The following SRPK2 variants were observed in gnomAD, a reference collection of about 807,000 sequenced individuals.
SRPK2 encodes the protein SFRS protein kinase 2.
Under a neutral mutation model 90.8 loss-of-function variants are expected in SRPK2, and 21 were observed. The observed-to-expected ratio is 0.23, with a 90% CI of 0.16 to 0.33. SRPK2 has a LOEUF of 0.33. Among genes scored for constraint, SRPK2 ranks in the 10% least tolerant of loss-of-function variants. The pLI is 1.00. For synonymous variants in SRPK2, 288 were observed against 311.1 expected, an observed-to-expected ratio of 0.93 and a Z score of 0.78; for missense variants, 620 against 869.0, an observed-to-expected ratio of 0.71 and a Z score of 3.60.
chr7:105,285,744 G>A (rs1053072363), intron 2 of SRPK2, among the ~76,000 whole-genome samples: 1 of 152,152 alleles, frequency 6.6e-6, no homozygotes, highest in African/African-American at 2.4e-5. Flanking sequence ...CTAACCACCT[G>A]CTCTCCCTTT....
chr7:105,380,281 G>GCCA (rs1010389691), intron 2 of SRPK2, among the ~76,000 whole-genome samples: 4 of 151,764 alleles, frequency 2.6e-5, no homozygotes, highest in African/African-American at 9.7e-5. Flanking sequence ...ACAGGCATGT[G>GCCA]CCACCACTCC....
intron 2 of SRPK2, among the ~76,000 whole-genome samples, chr7:105,326,709 G>T (rs919005173): frequency 2.0e-5 from 3 of 152,170 alleles, no homozygotes; most frequent in Non-Finnish European, 4.4e-5. Flanking sequence ...TTTCTTTCCT[G>T]CTAAAAGCAT....
rs963530484 is a variant in SRPK2, at chr7:105,317,827, T to C, written c.71+70821A>G. Reference sequence around the variant, plus strand: ...CATCCAGGCTGGAGTGCAGTCACTGTAGCCTCAACCTCCCAGATTCAGGTG... The same window carrying C: ...CATCCAGGCTGGAGTGCAGTCACTGCAGCCTCAACCTCCCAGATTCAGGTG... On this transcript the variant is annotated intron_variant, in intron 2 of 15. Transcript: ENST00000393651. Among the ~76,000 whole-genome samples, 4 of 152,162 alleles carry C rather than the reference T, an allele frequency of 2.6e-5. 1 individual carries two copies. Among genetic ancestry groups the C allele is most frequent in the Admixed American group, 2.6e-4 (4 of 15,276 alleles).
chr7:105,331,166 G>T (rs1814274203), intron 2 of SRPK2, among the ~76,000 whole-genome samples: 1 of 151,756 alleles, frequency 6.6e-6, no homozygotes, highest in African/African-American at 2.4e-5. Flanking sequence ...AAGATTAGCT[G>T]GGTGTGGTGG....
chr7:105,396,964 T>C (rs140058400), intron 1 of SRPK2, among the ~76,000 whole-genome samples: 224 of 152,052 alleles, frequency 1.5e-3, no homozygotes, highest in Middle Eastern at 3.4e-3. Flanking sequence ...CAATGTAGAG[T>C]GACATTTTAT....
intron 2 of SRPK2, among the ~76,000 whole-genome samples, chr7:105,341,724 T>C (rs1328284649): frequency 6.6e-6 from 1 of 151,844 alleles, no homozygotes; most frequent in Non-Finnish European, 1.5e-5. Context: ...ATCCAGCACT[T>C]TGGGAGGCTG....
At chr7:105,158,253 A>AC in intron 7 of SRPK2, among the ~76,000 whole-genome samples, 1 of 145,558 alleles carries the variant, frequency 6.9e-6, no homozygotes, top group East Asian at 2.0e-4. Context: ...CTGTGAATTC[A>AC]CCTTTTTTTT....
At chr7:105,371,740 ATAATGC>A (rs1046427443) in intron 2 of SRPK2, among the ~76,000 whole-genome samples, 7 of 152,272 alleles carry the variant, frequency 4.6e-5, no homozygotes, top group African/African-American at 1.7e-4. Context: ...AAGAAATGCT[ATAATGC>A]TAACTGTTTA....
intron 2 of SRPK2, among the ~76,000 whole-genome samples, chr7:105,365,798 T>A (rs1462775020): frequency 2.6e-5 from 4 of 150,950 alleles, no homozygotes; most frequent in African/African-American, 9.7e-5. Flanking sequence ...TCTTTTAATT[T>A]AAAAAAACAA....
chr7:105,164,326 G>A (rs532355188), intron 6 of SRPK2, among the ~76,000 whole-genome samples: 2 of 152,180 alleles, frequency 1.3e-5, no homozygotes, highest in Non-Finnish European at 2.9e-5. Context: ...CTTCACCAAG[G>A]AGTCCTTCTC....
chr7:105,237,385 C>T (rs910429786), intron 2 of SRPK2, among the ~76,000 whole-genome samples: 4 of 152,184 alleles, frequency 2.6e-5, no homozygotes, highest in African/African-American at 9.7e-5. Flanking sequence ...AAGCACATTA[C>T]ACCTTTACTT....
At chr7:105,369,725 T>C (rs1242322042) in intron 2 of SRPK2, among the ~76,000 whole-genome samples, 1 of 152,082 alleles carries the variant, frequency 6.6e-6, no homozygotes, top group Non-Finnish European at 1.5e-5. Context: ...CAGGATAAGA[T>C]TCCCCATAAA....
At chr7:105,184,958 G>A (rs1216295164) in intron 3 of SRPK2, among the ~76,000 whole-genome samples, 1 of 152,078 alleles carries the variant, frequency 6.6e-6, no homozygotes, top group Non-Finnish European at 1.5e-5. Flanking sequence ...GGGCAAAGGA[G>A]GAGTAGACAT....
intron 10 of SRPK2, among the ~76,000 whole-genome samples, chr7:105,142,859 T>G (rs2240465): frequency 0.72 from 109,425 of 152,152 alleles, 41,923 homozygotes; most frequent in Non-Finnish European, 0.86. Flanking sequence ...AATTTCTCAA[T>G]TATTTTACAT....
intron 13 of SRPK2, among the ~76,000 whole-genome samples, chr7:105,130,764 G>T (rs181801631): frequency 1.5e-4 from 22 of 151,622 alleles, no homozygotes; most frequent in African/African-American, 4.4e-4. Flanking sequence ...ATGACTTTTG[G>T]GGGGTGGGGC....
chr7:105,314,246 C>T (rs1812059894), intron 2 of SRPK2, among the ~76,000 whole-genome samples: 1 of 151,916 alleles, frequency 6.6e-6, no homozygotes, highest in Non-Finnish European at 1.5e-5. Flanking sequence ...ATATGAAAAT[C>T]ACTTGAACCC....
At chr7:105,292,039 C>T (rs1275799737) in intron 2 of SRPK2, among the ~76,000 whole-genome samples, 2 of 152,146 alleles carry the variant, frequency 1.3e-5, no homozygotes, top group African/African-American at 4.8e-5. Flanking sequence ...CCTAGTTTTC[C>T]CGTTGCTCTC....
intron 7 of SRPK2, among the ~76,000 whole-genome samples, chr7:105,148,390 C>G (rs912140244): frequency 6.6e-6 from 1 of 152,136 alleles, no homozygotes; most frequent in Non-Finnish European, 1.5e-5. Flanking sequence ...TTAAAACAAT[C>G]AAAAACTTAC....
chr7:105,229,234 C>T (rs1191345418), intron 2 of SRPK2, among the ~76,000 whole-genome samples: 4 of 152,130 alleles, frequency 2.6e-5, no homozygotes, highest in Admixed American at 2.0e-4. Context: ...GAGGCCGTCG[C>T]GGGCAGATCA....
Sources: allele counts gnomAD v4.1 joint callset (sites outside exome capture counted in the v4.1 genomes callset), GRCh38; gene constraint gnomAD v4.1.1; transcripts MANE v1.5; gene names NCBI Gene and HGNC (gene_info 2026-07-23, HGNC 2026-07-21).